Variants in CDH17 observed in about 807,000 individuals in gnomAD.
CDH17 encodes cadherin-17.
CDH17 carries 67 observed loss-of-function variants against 86.3 expected under a neutral mutation model. That is an observed-to-expected ratio of 0.78 (90% CI 0.64 to 0.95). The LOEUF (loss-of-function observed/expected upper bound fraction) is 0.95. Among genes scored for constraint, CDH17 ranks in the 40% least tolerant of loss-of-function variants. The probability of loss-of-function intolerance (pLI) is 0.00; values close to 1 mark genes in which losing one functional copy is unlikely to be tolerated. For missense variants in CDH17, 993 were observed against 1,017.6 expected, an observed-to-expected ratio of 0.98 and a Z score of 0.33; for synonymous variants, 367 against 366.4, an observed-to-expected ratio of 1.00 and a Z score of -0.02.
In CDH17 at chr8:94,170,385, C is replaced by T; in HGVS notation, c.1066+12G>A. 1 of 1,613,198 alleles carries T rather than the reference C, an allele frequency of 6.2e-7. No homozygotes were observed. Among genetic ancestry groups the T allele is most frequent in the Middle Eastern group, 1.7e-4 (1 of 6,050 alleles). On this transcript the variant is annotated intron_variant, in intron 9 of 17. Coordinates refer to ENST00000027335, the MANE Select transcript of CDH17 (RefSeq NM_004063.4). ...GGCAGTTACACAGCATTAGGCAGCT[C>T]TCATTTCTTACCCAGTCGTTCATTC...
At chr8:94,140,045 T>C (rs563369366) in intron 15 of CDH17, among the ~76,000 whole-genome samples, 13 of 152,302 alleles carry the variant, frequency 8.5e-5, no homozygotes, top group African/African-American at 3.1e-4. Flanking sequence ...ATAGGAAATA[T>C]TCCCAGAATA....
intron 11 of CDH17, among the ~76,000 whole-genome samples, chr8:94,160,476 C>G (rs1291751806): frequency 6.6e-6 from 1 of 152,042 alleles, no homozygotes; most frequent in Non-Finnish European, 1.5e-5. Context: ...AAATAGCCAC[C>G]ATGTATTGAG....
chr8:94,146,150 A>G lies in CDH17; in HGVS notation c.1945T>C (p.Ser649Pro). 1 of 1,568,224 alleles carries G rather than the reference A, an allele frequency of 6.4e-7. No homozygotes were observed. Among genetic ancestry groups the G allele is most frequent in the Non-Finnish European group, 8.6e-7 (1 of 1,157,628 alleles). ...AGGATCAGGTGGAACTCTGACACAG[A>G]GCTCAAGGAAGACCCCCCTAAGGAA... is the stretch of plus-strand genomic sequence containing the variant. ...ATEVGGSSLS[S>P]VSEFHLILMD... is the part of the protein sequence containing the mutation. Residue 649 changes from serine (S) to proline (P), a missense_variant, in exon 15 of 18, where the codon TCT becomes CCT. Transcript: ENST00000027335.
intron 12 of CDH17, among the ~76,000 whole-genome samples, chr8:94,157,047 T>C (rs532920986): frequency 6.6e-6 from 1 of 152,282 alleles, no homozygotes; most frequent in East Asian, 1.9e-4. Flanking sequence ...AAGGCCTGAC[T>C]GTACCTTGCT....
chr8:94,199,301 A>C (rs1442722646), intron 1 of CDH17, among the ~76,000 whole-genome samples: 5 of 151,966 alleles, frequency 3.3e-5, no homozygotes, highest in Admixed American at 3.3e-4. Flanking sequence ...TTCAATAAAC[A>C]TGATATATTA....
intron 1 of CDH17, among the ~76,000 whole-genome samples, chr8:94,201,346 C>A (rs375699791): frequency 3.3e-5 from 5 of 152,168 alleles, no homozygotes; most frequent in African/African-American, 1.2e-4. Flanking sequence ...GGAGTCCTAA[C>A]TTCCAAGCAC....
chr8:94,204,841 C>T (rs916543425), intron 1 of CDH17, among the ~76,000 whole-genome samples: 1 of 152,182 alleles, frequency 6.6e-6, no homozygotes, highest in Non-Finnish European at 1.5e-5. Flanking sequence ...TCTCCCAAAA[C>T]ATCCCAGCAT....
intron 11 of CDH17, among the ~76,000 whole-genome samples, chr8:94,161,856 A>C (rs570609965): frequency 6.6e-6 from 1 of 152,322 alleles, no homozygotes; most frequent in South Asian, 2.1e-4. Context: ...GGAATAAATG[A>C]GCTATTGGCA....
At chr8:94,178,815 T>C (rs1404007423) in intron 3 of CDH17, among the ~76,000 whole-genome samples, 1 of 151,982 alleles carries the variant, frequency 6.6e-6, no homozygotes, top group Non-Finnish European at 1.5e-5. Flanking sequence ...GTTAAAAAGT[T>C]TTTGTGCATG....
intron 15 of CDH17, among the ~76,000 whole-genome samples, 186 bp from the exon 16 acceptor site, chr8:94,131,178 C>G (rs1563562241): frequency 6.6e-6 from 1 of 152,160 alleles, no homozygotes; most frequent in Admixed American, 6.5e-5. Context: ...CTAAAGCATC[C>G]TTTAAGTTCT....
intron 1 of CDH17, among the ~76,000 whole-genome samples, chr8:94,199,037 TGATATATATATA>T (rs1563589304): frequency 1.2e-5 from 1 of 84,398 alleles, no homozygotes; most frequent in African/African-American, 6.0e-5. Context: ...CAGTTCTGAT[TGATATATATATA>T]TATATATATA....
intron 1 of CDH17, among the ~76,000 whole-genome samples, chr8:94,215,336 A>C (rs1025832233): frequency 2.8e-4 from 43 of 152,246 alleles, no homozygotes; most frequent in Non-Finnish European, 4.8e-4. Context: ...TGAAATACTG[A>C]TACTACAAGA....
chr8:94,180,945 A>G (rs954280908), intron 3 of CDH17, among the ~76,000 whole-genome samples: 1 of 135,642 alleles, frequency 7.4e-6, no homozygotes, highest in African/African-American at 3.3e-5. Context: ...AAACAAACCA[A>G]AAAAAAAAAA....
intron 2 of CDH17, among the ~76,000 whole-genome samples, chr8:94,190,264 TC>T (rs1259248900): frequency 5.9e-5 from 9 of 152,216 alleles, no homozygotes. Flanking sequence ...CCTCTCAGCC[TC>T]TATGCACCAG....
intron 2 of CDH17, among the ~76,000 whole-genome samples, chr8:94,191,845 A>G (rs1813696685): frequency 6.6e-6 from 1 of 152,126 alleles, no homozygotes; most frequent in Non-Finnish European, 1.5e-5. Context: ...GGAGGTCTTC[A>G]TCCCTTTCAC....
rs1563589418 is a variant in CDH17, at chr8:94,199,062, TA to T, written c.-20-4358del. Among the ~76,000 whole-genome samples the T allele has an allele frequency of 3.9e-3, 86 of 22,236 alleles. 1 individual carries two copies. Among genetic ancestry groups the T allele is most frequent in the African/African-American group, 9.8e-3 (78 of 7,982 alleles). The allele number at this position is 22,236 out of a possible 152,430, so 14.6% of individuals were successfully genotyped here. On this transcript the variant is annotated intron_variant, in intron 1 of 17. Transcript: ENST00000027335. ...TGATATATATATATATATATATATATATATATATATATATATATATATTTTT... is the reference window on the plus strand; with the variant it reads ...TGATATATATATATATATATATATATTATATATATATATATATATATTTTT...
Position 94,160,127 on chromosome 8 carries a change from A to T in CDH17, c.1395T>A (p.Ile465=). The change falls in exon 12 of 18, where the codon ATT becomes ATA. Residue 465 remains isoleucine (I), a synonymous_variant. Transcript: ENST00000027335. ...CCTGGATGGTTAAGATGGTGGACCC[A>T]ATGTTTGTGTCTTCAGCAAGAGTCA... ...GNLTLAEDTN[I]GSTILTIQAT... 1 of 1,613,232 alleles carries T rather than the reference A, an allele frequency of 6.2e-7. No individual in the cohort carries two copies. Among genetic ancestry groups the T allele is most frequent in the East Asian group, 2.2e-5 (1 of 44,850 alleles).
chr8:94,200,542 T>A (rs1183620210), intron 1 of CDH17, among the ~76,000 whole-genome samples: 30 of 131,568 alleles, frequency 2.3e-4, no homozygotes, highest in Admixed American at 2.2e-3. Context: ...CTTTTGTTTT[T>A]TTTTTTTTTT....
chr8:94,177,053 T>C (rs752835370), intron 4 of CDH17, among the ~76,000 whole-genome samples: 2 of 152,208 alleles, frequency 1.3e-5, no homozygotes, highest in Non-Finnish European at 2.9e-5. Flanking sequence ...AAAGCTTTTA[T>C]CTCACTCTTT....
Sources: allele counts gnomAD v4.1 joint callset (sites outside exome capture counted in the v4.1 genomes callset), GRCh38; gene constraint gnomAD v4.1.1; transcripts MANE v1.5; gene names NCBI Gene and HGNC (gene_info 2026-07-23, HGNC 2026-07-21).